Variants in AEBP2 observed in about 807,000 individuals in gnomAD.
AEBP2 encodes AE binding protein 2, also known as zinc finger protein AEBP2.
Under a neutral mutation model 50.8 loss-of-function variants are expected in AEBP2, and 10 were observed. The observed-to-expected ratio is 0.20, with a 90% CI of 0.12 to 0.33. The LOEUF (loss-of-function observed/expected upper bound fraction) is 0.33. Ranked by LOEUF, AEBP2 falls within the 10% of genes least tolerant of loss-of-function variation. AEBP2 has a pLI of 1.00. For synonymous variants in AEBP2, 296 were observed against 261.3 expected (o/e 1.13, Z -1.28); for missense variants, 570 against 688.0 (o/e 0.83, Z 1.92).
chr12:19,430,231 G>T (rs1024524363), intron 1 of AEBP2, among the ~76,000 whole-genome samples: 2 of 152,154 alleles, frequency 1.3e-5, no homozygotes, highest in Non-Finnish European at 2.9e-5. Flanking sequence ...TATTAAACAG[G>T]AATCCTTTCC....
At chr12:19,474,174 T>G (rs956845124) in intron 3 of AEBP2, among the ~76,000 whole-genome samples, 6 of 152,228 alleles carry the variant, frequency 3.9e-5, no homozygotes, top group African/African-American at 1.4e-4. Context: ...GAAATCTTTA[T>G]AAAGAGCAAG....
chr12:19,507,195 G>A (rs1040150469), intron 5 of AEBP2, among the ~76,000 whole-genome samples: 5 of 152,086 alleles, frequency 3.3e-5, no homozygotes, highest in African/African-American at 9.7e-5. Context: ...AAGTGTTTGG[G>A]GCTTACCAAA....
chr12:19,422,200 C>T (rs1565696752), intron 1 of AEBP2, among the ~76,000 whole-genome samples: 1 of 152,100 alleles, frequency 6.6e-6, no homozygotes, highest in Non-Finnish European at 1.5e-5. Context: ...AAGATCTGGG[C>T]AACCATACTT....
At chr12:19,428,858 G>A (rs2153365028) in intron 1 of AEBP2, among the ~76,000 whole-genome samples, 1 of 152,214 alleles carries the variant, frequency 6.6e-6, no homozygotes, top group Admixed American at 6.5e-5. Context: ...AATCATTTAG[G>A]CGGGGCCTGG....
At chr12:19,503,195 A>G (rs568669066) in intron 5 of AEBP2, among the ~76,000 whole-genome samples, 2 of 152,188 alleles carry the variant, frequency 1.3e-5, no homozygotes, top group South Asian at 4.1e-4. Flanking sequence ...CACCATTTTA[A>G]TGATACTGAT....
chr12:19,458,591 C>G (rs935670219), intron 1 of AEBP2, among the ~76,000 whole-genome samples: 1 of 152,116 alleles, frequency 6.6e-6, no homozygotes, highest in African/African-American at 2.4e-5. Flanking sequence ...ATTACCGTTA[C>G]CAGATTTTGG....
intron 3 of AEBP2, among the ~76,000 whole-genome samples, chr12:19,481,381 G>T (rs1319481914): frequency 6.6e-6 from 1 of 151,994 alleles, no homozygotes; most frequent in East Asian, 1.9e-4. Flanking sequence ...GGGATTACAG[G>T]CATGAGCCAC....
At chr12:19,472,982 A>G (rs539196289) in intron 2 of AEBP2, among the ~76,000 whole-genome samples, 1 of 152,270 alleles carries the variant, frequency 6.6e-6, no homozygotes, top group African/African-American at 2.4e-5. Context: ...CAAGGGATAT[A>G]TTGCTAATAT....
rs1948268820 is a variant in AEBP2, at chr12:19,456,299, A to G, written c.672-6211A>G. The G allele has an allele frequency of 5.3e-6, 8 of 1,518,674 alleles. No individual in the cohort carries two copies. The South Asian group carries it at 9.0e-5, about 17-fold the overall frequency. The allele number at this position is 1,518,674 out of a possible 1,614,324, so 94.1% of individuals were successfully genotyped here. Reference sequence around the variant, plus strand: ...ATTTGGTGACCTTGCCAGCTCCAGCAGCCTTCTTGTTCACTGCTTTGATGA... The same window carrying G: ...ATTTGGTGACCTTGCCAGCTCCAGCGGCCTTCTTGTTCACTGCTTTGATGA... On this transcript the variant is annotated intron_variant, in intron 1 of 7. Transcript: ENST00000266508.
chr12:19,451,410 GTGTATGT>G, intron 1 of AEBP2, among the ~76,000 whole-genome samples: 2 of 152,292 alleles, frequency 1.3e-5, no homozygotes, highest in South Asian at 4.1e-4. Flanking sequence ...CTCTAGCTCT[GTGTATGT>G]TCTTCACGGG....
intron 2 of AEBP2, among the ~76,000 whole-genome samples, chr12:19,472,049 T>G (rs1226343806): frequency 2.0e-5 from 3 of 152,170 alleles, no homozygotes; most frequent in Non-Finnish European, 4.4e-5. Flanking sequence ...CTAAACAGTC[T>G]TGTCAAATGG....
rs116480771 is a variant in AEBP2, at chr12:19,475,583, T to C, written c.987+2228T>C. Among the ~76,000 whole-genome samples the C allele has an allele frequency of 5.1e-3, 777 of 152,284 alleles. 6 individuals are homozygous for C. Among genetic ancestry groups the C allele is most frequent in the African/African-American group, 0.018 (741 of 41,552 alleles). Reference sequence around the variant, plus strand: ...AGTAGTCATTCATATAATGACTTTTTCCCAGTGTCATTCATATAGTGACAA... The same window carrying C: ...AGTAGTCATTCATATAATGACTTTTCCCCAGTGTCATTCATATAGTGACAA... On this transcript the variant is annotated intron_variant, in intron 3 of 7. Coordinates refer to ENST00000266508, the MANE Select transcript of AEBP2 (RefSeq NM_153207.5).
chr12:19,427,721 G>A (rs192546982), intron 1 of AEBP2, among the ~76,000 whole-genome samples: 259 of 152,150 alleles, frequency 1.7e-3, no homozygotes, highest in African/African-American at 5.9e-3. Flanking sequence ...ACACCTAAGA[G>A]TCTGTCATAG....
chr12:19,496,600 T>G (rs1948985999), intron 4 of AEBP2, among the ~76,000 whole-genome samples: 1 of 152,116 alleles, frequency 6.6e-6, no homozygotes, highest in African/African-American at 2.4e-5. Flanking sequence ...AAAATATACC[T>G]TATAAATAGC....
intron 3 of AEBP2, among the ~76,000 whole-genome samples, chr12:19,477,384 G>T (rs1948664457): frequency 6.6e-6 from 1 of 152,142 alleles, no homozygotes; most frequent in Non-Finnish European, 1.5e-5. Flanking sequence ...TCTTCCAGTT[G>T]TCACGGGGAA....
chr12:19,515,304 AAGG>A (rs1949302572), intron 7 of AEBP2, among the ~76,000 whole-genome samples: 3 of 151,988 alleles, frequency 2.0e-5, no homozygotes, highest in South Asian at 2.1e-4. Flanking sequence ...TATGTGGGGG[AAGG>A]AGAAGAGACC....
intron 1 of AEBP2, among the ~76,000 whole-genome samples, chr12:19,425,418 C>T (rs551003944): frequency 1.2e-4 from 18 of 151,962 alleles, no homozygotes; most frequent in South Asian, 2.1e-4. Context: ...AGGCCAGGCA[C>T]GGTGGCTCAT....
At chr12:19,465,269 C>G (rs572110188) in intron 2 of AEBP2, among the ~76,000 whole-genome samples, 1 of 151,952 alleles carries the variant, frequency 6.6e-6, no homozygotes, top group African/African-American at 2.4e-5. Context: ...TTGCGTCCCC[C>G]TGTAGTCCCA....
At chr12:19,404,683 G>C (rs1355982454) in intron 1 of AEBP2, among the ~76,000 whole-genome samples, 2 of 152,130 alleles carry the variant, frequency 1.3e-5, no homozygotes, top group East Asian at 3.9e-4. Context: ...ATAAAGACTG[G>C]GTTCCGCAGA....
Sources: allele counts gnomAD v4.1 joint callset (sites outside exome capture counted in the v4.1 genomes callset), GRCh38; gene constraint gnomAD v4.1.1; transcripts MANE v1.5; gene names NCBI Gene and HGNC (gene_info 2026-07-23, HGNC 2026-07-21).